The following BTBD9 variants were observed in gnomAD, a reference collection of about 807,000 sequenced individuals.
BTBD9 encodes BTB/POZ domain-containing protein 9.
Under a neutral mutation model 64.3 loss-of-function variants are expected in BTBD9, and 49 were observed. That is an observed-to-expected ratio of 0.76 (90% CI 0.61 to 0.97). BTBD9 has a LOEUF of 0.97. BTBD9 is among the 50% of genes least tolerant of loss of function. The pLI is 0.00. For synonymous variants in BTBD9, 260 were observed against 274.7 expected, an observed-to-expected ratio of 0.95 and a Z score of 0.53; for missense variants, 598 against 762.1, an observed-to-expected ratio of 0.78 and a Z score of 2.53.
intron 7 of BTBD9, 110 bp from the exon 8 acceptor site, chr6:38,288,571 G>T: frequency 1.2e-6 from 1 of 823,986 alleles, no homozygotes; most frequent in South Asian, 1.8e-5. Context: ...AATGATAAAA[G>T]AAAAATTAGA....
At chr6:38,616,756 C>A (rs1190815769) in intron 1 of BTBD9, among the ~76,000 whole-genome samples, 1 of 152,184 alleles carries the variant, frequency 6.6e-6, no homozygotes, top group Non-Finnish European at 1.5e-5. Context: ...CCACCTCAGC[C>A]AGCAGCAGCA....
chr6:38,257,307 G>C (rs1764627654), intron 8 of BTBD9, among the ~76,000 whole-genome samples: 1 of 151,916 alleles, frequency 6.6e-6, no homozygotes, highest in Admixed American at 6.6e-5. Flanking sequence ...GGGCTCAAGT[G>C]ATCCTTCTAC....
intron 6 of BTBD9, among the ~76,000 whole-genome samples, chr6:38,499,157 A>T (rs542625878): frequency 1.3e-5 from 2 of 151,304 alleles, no homozygotes; most frequent in South Asian, 2.1e-4. Context: ...AAAAAAAAAC[A>T]GAGAAAAAAT....
chr6:38,535,826 T>C (rs1773999459), intron 6 of BTBD9, among the ~76,000 whole-genome samples: 1 of 151,062 alleles, frequency 6.6e-6, no homozygotes, highest in Non-Finnish European at 1.5e-5. Context: ...TGAAACTCTG[T>C]CCACAACAAA....
chr6:38,229,109 A>G lies in BTBD9; in HGVS notation c.1562+27300T>C, dbSNP rs141106930. Among the ~76,000 whole-genome samples the G allele has an allele frequency of 2.6e-5, 4 of 152,078 alleles. No homozygotes were observed. In the East Asian group the frequency reaches 7.8e-4, roughly 30 times the overall value. On this transcript the variant is annotated intron_variant, in intron 9 of 10. Coordinates refer to ENST00000481247, the MANE Select transcript of BTBD9 (RefSeq NM_001099272.2). Reference sequence around the variant, plus strand: ...GCTACATGGGAGGCTGAGGCAGGAGAATCACTTGAACTTGGGAGGTGGAGG... The same window carrying G: ...GCTACATGGGAGGCTGAGGCAGGAGGATCACTTGAACTTGGGAGGTGGAGG...
At chr6:38,568,650 CA>C (rs1301343872) in intron 6 of BTBD9, among the ~76,000 whole-genome samples, 2 of 152,180 alleles carry the variant, frequency 1.3e-5, no homozygotes, top group African/African-American at 4.8e-5. Flanking sequence ...GGAGATTTCA[CA>C]AAGGAAAACT....
chr6:38,360,641 A>C (rs1020521922), intron 6 of BTBD9, among the ~76,000 whole-genome samples: 1 of 152,152 alleles, frequency 6.6e-6, no homozygotes, highest in African/African-American at 2.4e-5. Flanking sequence ...TGCCAGGAAA[A>C]AATGTATGGG....
At chr6:38,259,755 A>G (rs547570168) in intron 8 of BTBD9, among the ~76,000 whole-genome samples, 45 of 152,206 alleles carry the variant, frequency 3.0e-4, no homozygotes, top group African/African-American at 1.1e-3. Flanking sequence ...CATGCTACCT[A>G]ATATTTTTGA....
chr6:38,556,512 T>C (rs544806818), intron 6 of BTBD9, among the ~76,000 whole-genome samples: 830 of 55,558 alleles, frequency 0.015, 3 homozygotes, highest in African/African-American at 0.053. Flanking sequence ...ATAAAGTGTG[T>C]GTGTGTGTGT....
chr6:38,349,546 T>C (rs1461640613), intron 6 of BTBD9, among the ~76,000 whole-genome samples: 1 of 152,162 alleles, frequency 6.6e-6, no homozygotes, highest in Non-Finnish European at 1.5e-5. Context: ...TTCTATTTTA[T>C]TATTAGTTAT....
At chr6:38,180,662 T>G (rs775997675) in intron 10 of BTBD9, among the ~76,000 whole-genome samples, 2 of 152,360 alleles carry the variant, frequency 1.3e-5, no homozygotes, top group East Asian at 1.9e-4. Flanking sequence ...TGAGACACAC[T>G]GGGCAGAGCC....
chr6:38,189,357 A>G (rs561027989), intron 10 of BTBD9, among the ~76,000 whole-genome samples: 13 of 152,310 alleles, frequency 8.5e-5, no homozygotes, highest in African/African-American at 2.9e-4. Context: ...TGGCTTACAC[A>G]TATTTCCATT....
chr6:38,537,617 G>A (rs1395176852), intron 6 of BTBD9, among the ~76,000 whole-genome samples: 1 of 152,094 alleles, frequency 6.6e-6, no homozygotes, highest in Non-Finnish European at 1.5e-5. Flanking sequence ...CTTCATTTTG[G>A]CTCCAAGGTA....
At chr6:38,427,650 T>C (rs1389486462) in intron 6 of BTBD9, among the ~76,000 whole-genome samples, 3 of 151,964 alleles carry the variant, frequency 2.0e-5, no homozygotes, top group Non-Finnish European at 4.4e-5. Flanking sequence ...GATTAAATTA[T>C]AGTGGTCTCA....
chr6:38,586,882 G>T (rs930000442), intron 4 of BTBD9, among the ~76,000 whole-genome samples: 6 of 151,662 alleles, frequency 4.0e-5, no homozygotes, highest in Non-Finnish European at 8.8e-5. Context: ...GGCCAACCTG[G>T]TGAAACCCCA....
chr6:38,418,354 C>A (rs1406164251), intron 6 of BTBD9, among the ~76,000 whole-genome samples: 1 of 152,192 alleles, frequency 6.6e-6, no homozygotes, highest in African/African-American at 2.4e-5. Flanking sequence ...TCTGGACTTA[C>A]CTACTGAAGT....
At chr6:38,299,861 A>T (rs1331005707) in intron 7 of BTBD9, among the ~76,000 whole-genome samples, 1 of 152,190 alleles carries the variant, frequency 6.6e-6, no homozygotes, top group Non-Finnish European at 1.5e-5. Flanking sequence ...CTTTAGTTCA[A>T]TTAGATCCCA....
At chr6:38,204,987 C>T (rs1054352998) in intron 9 of BTBD9, among the ~76,000 whole-genome samples, 2 of 151,970 alleles carry the variant, frequency 1.3e-5, no homozygotes, top group Non-Finnish European at 2.9e-5. Context: ...ATAAATAATT[C>T]AACAAATGGG....
chr6:38,370,620 T>C (rs1446745766), intron 6 of BTBD9, among the ~76,000 whole-genome samples: 1 of 152,044 alleles, frequency 6.6e-6, no homozygotes, highest in Admixed American at 6.6e-5. Flanking sequence ...ACACAGCTAT[T>C]CATCTGCAAT....
Sources: allele counts gnomAD v4.1 joint callset (sites outside exome capture counted in the v4.1 genomes callset), GRCh38; gene constraint gnomAD v4.1.1; transcripts MANE v1.5; gene names NCBI Gene and HGNC (gene_info 2026-07-23, HGNC 2026-07-21).